Variants in HLTF observed in about 807,000 individuals in gnomAD.
The protein encoded by HLTF is helicase like transcription factor.
HLTF carries 127 observed loss-of-function variants against 129.4 expected under a neutral mutation model. The ratio of observed to expected loss-of-function variants is 0.98; its 90% CI spans 0.85 to 1.14. The LOEUF (loss-of-function observed/expected upper bound fraction) is 1.14, where lower values mean the gene tolerates loss of function less well. Among genes scored for constraint, HLTF ranks in the 50% most tolerant of loss-of-function variants. The probability of loss-of-function intolerance (pLI) is 0.00; values close to 1 mark genes in which losing one functional copy is unlikely to be tolerated. For missense variants in HLTF, 1,139 were observed against 1,187.1 expected (o/e 0.96, Z 0.60); for synonymous variants, 332 against 388.8 (o/e 0.85, Z 1.72).
At chr3:149,071,549 G>T in intron 6 of HLTF, 34 bp downstream of exon 6, 1 of 1,478,672 alleles carries the variant, frequency 6.8e-7, no homozygotes. Context: ...TAAACATTCT[G>T]AGTAGTCTTA....
At chr3:149,032,411 C>G in intron 24 of HLTF, 39 bp from the exon 25 acceptor site, 1 of 1,243,878 alleles carries the variant, frequency 8.0e-7, no homozygotes, top group Non-Finnish European at 1.1e-6. Context: ...GTTTTTAAGG[C>G]ATAGTATTTA....
Position 149,050,995 on chromosome 3 carries a change from G to C in HLTF, c.1474-620C>G, listed in dbSNP as rs571810798. Among the ~76,000 whole-genome samples, 6 of 152,164 alleles carry C rather than the reference G, an allele frequency of 3.9e-5. No homozygotes were observed. In the East Asian group the frequency reaches 1.2e-3, roughly 29 times the overall value. ...AAAAATAGTCTGATTAAACTGAAAAGAGAAGATACCAGGGAGACACAGCTG... is the reference window on the plus strand; with the variant it reads ...AAAAATAGTCTGATTAAACTGAAAACAGAAGATACCAGGGAGACACAGCTG... On this transcript the variant is annotated intron_variant, in intron 14 of 24. Coordinates refer to ENST00000310053, the MANE Select transcript of HLTF (RefSeq NM_003071.4).
chr3:149,060,850 G>A lies in HLTF; in HGVS notation c.1169C>T (p.Thr390Ile). Residue 390 changes from threonine to isoleucine, a missense_variant, in exon 11 of 25, where the codon ACT becomes ATT. Thr to Ile is a moderately conservative substitution (Grantham distance 89, BLOSUM62 -1). Transcript: ENST00000310053. ...ACTGCTTTCTATGTACTGGACAGCA[G>A]TTTTTCTTCTAAAATTAAGTATACA... ...LSSSRPKRRK[T>I]AVQYIESSDS... 6.2e-7 allele frequency: 1 copy of A among 1,609,430 alleles called. No homozygotes were observed. The highest frequency in any genetic ancestry group is 1.1e-5 in the South Asian group (1 of 90,224).
chr3:149,060,539 T>C, intron 12 of HLTF, 104 bp downstream of exon 12: 1 of 868,970 alleles, frequency 1.2e-6, no homozygotes, highest in Non-Finnish European at 1.8e-6. Context: ...CAGCCAAGTT[T>C]AAGAGCTATT....
intron 15 of HLTF, among the ~76,000 whole-genome samples, chr3:149,049,986 C>T (rs1267973830): frequency 1.3e-5 from 2 of 151,572 alleles, no homozygotes; most frequent in Non-Finnish European, 2.9e-5. Context: ...GAGCAAAACT[C>T]CATCGAGAGG....
chr3:149,054,085 C>T (rs1033033473), intron 14 of HLTF, among the ~76,000 whole-genome samples: 3 of 151,806 alleles, frequency 2.0e-5, no homozygotes, highest in East Asian at 1.9e-4. Context: ...ATTCATGTCA[C>T]GGAAAAAAAG....
intron 2 of HLTF, chr3:149,083,565 T>C (rs1157262246): frequency 6.6e-6 from 1 of 151,854 alleles, no homozygotes; most frequent in Admixed American, 6.6e-5. Flanking sequence ...AGCTCAGAAA[T>C]GCATATGAGA....
rs572825998 is a variant in HLTF, at chr3:149,073,279, A to T, written c.573T>A (p.Ala191=). ...GCACTGGCATACTATAGCTTGGTCC[A>T]GCTCTTCCAGAGCCCCAACCACTTT... ...NLESGWGSGR[A]GPSYSMPVHA... Residue 191 remains alanine, a synonymous_variant, in exon 5 of 25, where the codon GCT becomes GCA. Coordinates refer to ENST00000310053, the MANE Select transcript of HLTF (RefSeq NM_003071.4). The T allele has an allele frequency of 6.2e-7, 1 of 1,613,402 alleles. No individual in the cohort carries two copies. The highest frequency in any genetic ancestry group is 1.7e-5 in the Admixed American group (1 of 59,958).
At chr3:149,065,072 A>G (rs1467002078) in intron 8 of HLTF, among the ~76,000 whole-genome samples, 1 of 152,190 alleles carries the variant, frequency 6.6e-6, no homozygotes, top group African/African-American at 2.4e-5. Flanking sequence ...ATCTCAAAAA[A>G]AAAAAAATAA....
intron 17 of HLTF, among the ~76,000 whole-genome samples, chr3:149,046,988 C>T (rs1290587527): frequency 6.6e-6 from 1 of 152,108 alleles, no homozygotes; most frequent in African/African-American, 2.4e-5. Context: ...CAGTAAGAAA[C>T]ACATTCTATC....
At chr3:149,052,183 A>G (rs1265319366) in intron 14 of HLTF, 1 of 151,968 alleles carries the variant, frequency 6.6e-6, no homozygotes, top group Non-Finnish European at 1.5e-5. Flanking sequence ...CAATCCAGCA[A>G]AGAAAAAAAG....
chr3:149,078,306 G>A (rs927676503), intron 2 of HLTF, among the ~76,000 whole-genome samples: 1 of 152,194 alleles, frequency 6.6e-6, no homozygotes, highest in African/African-American at 2.4e-5. Context: ...AGCACTTTAG[G>A]AGGCTGAAGT....
chr3:149,056,662 AAAGTTT>A (rs1717463492), intron 13 of HLTF, among the ~76,000 whole-genome samples: 1 of 152,220 alleles, frequency 6.6e-6, no homozygotes, highest in African/African-American at 2.4e-5. Flanking sequence ...TACCTACAAT[AAAGTTT>A]AATTTATAAA....
intron 13 of HLTF, 34 bp downstream of exon 13, chr3:149,059,684 A>T: frequency 7.3e-7 from 1 of 1,360,652 alleles, no homozygotes; most frequent in Non-Finnish European, 1.0e-6. Context: ...ACAGAAAAAA[A>T]ACCAAAAACT....
intron 18 of HLTF, 63 bp downstream of exon 18, chr3:149,046,017 T>G (rs112633508): frequency 1.7e-6 from 2 of 1,174,508 alleles, no homozygotes; most frequent in African/African-American, 3.1e-5. Flanking sequence ...AATAATGTCA[T>G]TCAGTGAATG....
intron 24 of HLTF, among the ~76,000 whole-genome samples, chr3:149,032,894 C>T (rs1004586795): frequency 1.3e-4 from 18 of 143,416 alleles, no homozygotes; most frequent in East Asian, 8.3e-4. Flanking sequence ...ACCCGGGAGG[C>T]GGAGCTTGCA....
At chr3:149,039,747 G>C in intron 21 of HLTF, 54 bp from the exon 22 acceptor site, 1 of 955,650 alleles carries the variant, frequency 1.0e-6, no homozygotes, top group Non-Finnish European at 1.6e-6. Context: ...AGTAAAATTA[G>C]TCTAAAAGTT....
rs755860159 is a variant in HLTF at position 149,084,781 on chromosome 3, G to T, written c.129C>A (p.Ile43=). Residue 43 remains isoleucine, a synonymous_variant, in exon 2 of 25, where the codon ATC becomes ATA. Transcript: ENST00000310053. ...CACTAGTTAGAAAGTCATCTGGAGG[G>T]ATAACATCTTGGAATTCAAAACGTG... ...FFPRFEFQDV[I]PPDDFLTSDE... The T allele has an allele frequency of 6.2e-7, 1 of 1,613,966 alleles. No homozygotes were observed. The highest frequency in any genetic ancestry group is 8.5e-7 in the Non-Finnish European group (1 of 1,179,842).
intron 23 of HLTF, among the ~76,000 whole-genome samples, chr3:149,036,137 AAAAAAAC>A (rs200744635): frequency 6.6e-4 from 100 of 152,078 alleles, no homozygotes; most frequent in African/African-American, 2.2e-3. Context: ...TACATCTCAA[AAAAAAAC>A]AAAAAACAAA....
Sources: gnomAD v4.1 joint callset for allele counts (sites outside exome capture counted in the v4.1 genomes callset) on GRCh38, gnomAD v4.1.1 for gene constraint, MANE v1.5 for transcripts, NCBI Gene and HGNC (gene_info 2026-07-23, HGNC 2026-07-21) for gene names.